BRCA1: variants seen among roughly 807,000 people sequenced by gnomAD.
The protein encoded by BRCA1 is breast cancer type 1 susceptibility protein.
In BRCA1, 140 loss-of-function variants were observed where a neutral mutation model predicts 173.7. The ratio of observed to expected loss-of-function variants is 0.81; its 90% CI spans 0.70 to 0.93. The LOEUF is 0.93. BRCA1 is among the 40% of genes least tolerant of loss of function. BRCA1 has a pLI of 0.00. For synonymous variants in BRCA1, 662 were observed against 756.0 expected (o/e 0.88, Z 2.04); for missense variants, 1,983 against 2,172.5 (o/e 0.91, Z 1.73).
At position 43,044,833 on chromosome 17, in the gene BRCA1, TCTCA is replaced by T. The variant is rs1164059059; in HGVS notation, c.*841_*844del. The T allele has an allele frequency of 2.2e-6, 1 of 455,508 alleles. No homozygotes were observed. The highest frequency in any genetic ancestry group is 2.1e-5 in the African/African-American group (1 of 46,896). The allele number at this position is 455,508 out of a possible 1,614,324, so 28.2% of individuals were successfully genotyped here. On this transcript the variant is annotated 3_prime_UTR_variant, in exon 23 of 23. Transcript: ENST00000357654. Reference sequence around the variant, plus strand: ...TTTTTTTTTTTTTTTTGAGCCACAGTCTCACTGTCACCCAGGCTGGAGTGCCGTG... The same window carrying T: ...TTTTTTTTTTTTTTTTGAGCCACAGTCTGTCACCCAGGCTGGAGTGCCGTG...
chr17:43,120,176 C>A (rs2055480146), intron 2 of BRCA1, among the ~76,000 whole-genome samples: 1 of 152,134 alleles, frequency 6.6e-6, no homozygotes, highest in African/African-American at 2.4e-5. Flanking sequence ...TTCTGAAAGT[C>A]AAAAATGTTA....
chr17:43,120,696 C>T (rs1374037283), intron 2 of BRCA1, among the ~76,000 whole-genome samples: 7 of 152,048 alleles, frequency 4.6e-5, no homozygotes, highest in African/African-American at 1.4e-4. Context: ...ACCCGGGAGG[C>T]GGAGCTTGCA....
Position 43,093,737 on chromosome 17 carries a change from T to C in BRCA1, c.1794A>G (p.Leu598=), listed in dbSNP as rs876659644. The C allele has an allele frequency of 5.0e-6, 8 of 1,614,052 alleles. No individual in the cohort carries two copies. Among genetic ancestry groups the C allele is most frequent in the Non-Finnish European group, 6.8e-6 (8 of 1,180,016 alleles). Residue 598 remains leucine, a synonymous_variant, in exon 10 of 23, where the codon TTA becomes TTG. Coordinates refer to ENST00000357654, the MANE Select transcript of BRCA1 (RefSeq NM_007294.4). ...SSSISNMELE[L]NIHNSKAPKK... The stretch of plus-strand genomic sequence containing the variant: ...TAGGTGCTTTTGAATTGTGGATATT[T>C]AATTCGAGTTCCATATTGCTTATAC...
In BRCA1 at chr17:43,150,785, C is replaced by CA. The variant is rs1459125226; in HGVS notation, c.-20+19340dup. Among the ~76,000 whole-genome samples, 6 of 151,742 alleles carry CA rather than the reference C, an allele frequency of 4.0e-5. No homozygotes were observed. The East Asian group carries it at 1.2e-3, about 29-fold the overall frequency. ...CTAAAAATTTTGCAGCTTGGAAGTG[C>CA]AAAAAAAATGTGCAGCTTTGCACAG... On this transcript the variant is annotated intron_variant, in intron 1 of 7. Transcript: ENST00000634433.
In BRCA1 at chr17:43,093,977, G is replaced by A. The variant is rs1064794487; in HGVS notation, c.1554C>T (p.Ile518=). ...TTTGAACTGCCAAATCTGCTTTCTTGATAAAATCCTCAGGATGAAGGCCTG... is the reference window on the plus strand; with the variant it reads ...TTTGAACTGCCAAATCTGCTTTCTTAATAAAATCCTCAGGATGAAGGCCTG... ...PTSGLHPEDF[I]KKADLAVQKT... The change falls in exon 10 of 23, where the codon ATC becomes ATT. Residue 518 remains isoleucine (I), a synonymous_variant. Coordinates refer to ENST00000357654, the MANE Select transcript of BRCA1 (RefSeq NM_007294.4). The A allele has an allele frequency of 6.2e-7, 1 of 1,613,622 alleles. No individual in the cohort carries two copies. Among genetic ancestry groups the A allele is most frequent in the Non-Finnish European group, 8.5e-7 (1 of 1,179,890 alleles).
intron 12 of BRCA1, among the ~76,000 whole-genome samples, chr17:43,077,559 C>T (rs2052794173): frequency 6.6e-6 from 1 of 151,988 alleles, no homozygotes; most frequent in African/African-American, 2.4e-5. Context: ...GTCTCGAACT[C>T]CTGACCTCAA....
At chr17:43,052,131 C>T (rs2051267813) in intron 19 of BRCA1, among the ~76,000 whole-genome samples, 1 of 152,158 alleles carries the variant, frequency 6.6e-6, no homozygotes, top group Admixed American at 6.6e-5. Context: ...CTTCCACTTA[C>T]AGGGCTTGGC....
At chr17:43,128,324 A>G (rs1441159554), upstream of BRCA1, among the ~76,000 whole-genome samples, 2 of 150,510 alleles carry the variant, frequency 1.3e-5, no homozygotes, top group Non-Finnish European at 3.0e-5. Context: ...ACTCACCGCA[A>G]AGGTCTGCAG....
intron 6 of BRCA1, among the ~76,000 whole-genome samples, chr17:43,100,561 T>TATATATATATAAC (rs1169731657): frequency 7.7e-5 from 3 of 39,170 alleles, no homozygotes; most frequent in African/African-American, 1.5e-4. Context: ...TGTGTGTGTA[T>TATATATATATAAC]ATATATATAT....
chr17:43,076,268 A>T lies in BRCA1; in HGVS notation c.4484+220T>A, dbSNP rs371510602. Reference sequence around the variant, plus strand: ...TATTTTTTTCTGACCTTCAGAAGGGACATATCTATCTAACCGCACATTTCT... The same window carrying T: ...TATTTTTTTCTGACCTTCAGAAGGGTCATATCTATCTAACCGCACATTTCT... On this transcript the variant is annotated intron_variant, in intron 13 of 22. Transcript: ENST00000357654. Among the ~76,000 whole-genome samples, 5 of 152,056 alleles carry T rather than the reference A, an allele frequency of 3.3e-5. 1 individual carries two copies. The South Asian group carries it at 1.0e-3, about 31-fold the overall frequency.
chr17:43,091,094 T>A (rs1273737309), intron 10 of BRCA1, 62 bp from the exon 11 acceptor site: 2 of 1,434,380 alleles, frequency 1.4e-6, no homozygotes, highest in Non-Finnish European at 1.9e-6. Context: ...CAACTTGCTG[T>A]GTCTTTTTCT....
Position 43,091,679 on chromosome 17 carries a change from G to T in BRCA1, c.3852C>A (p.His1284Gln), listed in dbSNP as rs776070899. ...CAGAACATTTTGTTTCCTCACTAAG[G>T]TGATGTTCCTGAGATGCCTTTGCCA... Reference protein sequence around the residue: ...VILAKASQEHHLSEETKCSAS... With the variant: ...VILAKASQEHQLSEETKCSAS... Residue 1284 changes from histidine to glutamine, a missense_variant, in exon 10 of 23, where the codon CAC becomes CAA. By Grantham distance (24) the His-to-Gln change is conservative. Coordinates refer to ENST00000357654, the MANE Select transcript of BRCA1 (RefSeq NM_007294.4). 1 of 1,614,216 alleles carries T rather than the reference G, an allele frequency of 6.2e-7. No homozygotes were observed.
intron 3 of BRCA1, 131 bp downstream of exon 3, chr17:43,115,595 G>T: frequency 1.2e-6 from 1 of 852,560 alleles, no homozygotes; most frequent in Non-Finnish European, 1.9e-6. Flanking sequence ...GAGAAAGAAT[G>T]AAATGGAGTT....
rs80357209 is a variant in BRCA1, at chr17:43,104,939, G to A, written c.230C>T (p.Thr77Met). Residue 77 changes from threonine to methionine, a missense_variant, in exon 5 of 23, where the codon ACG becomes ATG. By Grantham distance (81) the Thr-to-Met change is moderately conservative. Coordinates refer to ENST00000357654, the MANE Select transcript of BRCA1 (RefSeq NM_007294.4). The part of the protein sequence containing the change: ...DITKRSLQES[T>M]RFSQLVEELL... ...CTCTTCAACAAGTTGACTAAATCTC[G>A]TACTTTCTTGTAGGCTCCTGAAATT... 11 of 1,613,388 alleles carry A rather than the reference G, an allele frequency of 6.8e-6. No homozygotes were observed. Among genetic ancestry groups the A allele is most frequent in the African/African-American group, 4.0e-5 (3 of 74,876 alleles).
Position 43,093,213 on chromosome 17 carries a change from G to C in BRCA1, c.2318C>G (p.Pro773Arg), listed in dbSNP as rs2053781755. The change falls in exon 10 of 23, where the codon CCT becomes CGT. Residue 773 changes from proline to arginine, a missense_variant. Transcript: ENST00000357654. Reference sequence around the variant, plus strand: ...TTCCTGAGTGCCATAATCAGTACCAGGTACCAATGAAATACTGCTACTCTC... The same window carrying C: ...TTCCTGAGTGCCATAATCAGTACCACGTACCAATGAAATACTGCTACTCTC... The part of the protein sequence containing the change: ...SVESSSISLV[P>R]GTDYGTQESI... The C allele has an allele frequency of 1.2e-6, 2 of 1,613,826 alleles. No homozygotes were observed. The highest frequency in any genetic ancestry group is 1.1e-5 in the South Asian group (1 of 91,076).
rs398122688 is a variant in BRCA1 at position 43,074,462 on chromosome 17, C to T, written c.4544G>A (p.Gly1515Glu). The T allele has an allele frequency of 2.5e-6, 4 of 1,614,064 alleles. No homozygotes were observed. Among genetic ancestry groups the T allele is most frequent in the Non-Finnish European group, 3.4e-6 (4 of 1,179,970 alleles). ...TGGGTAGTTTCTATTCTGAAGACTC[C>T]CAGAGCAACTGTGCATGTACCACCT... is the stretch of plus-strand genomic sequence containing the variant. The part of the protein sequence containing the change: ...DDRWYMHSCS[G>E]SLQNRNYPSQ... The change falls in exon 14 of 23, where the codon GGG becomes GAG. Residue 1515 changes from glycine (G) to glutamate (E), a missense_variant. Physicochemically the swap from Gly to Glu is moderately conservative, Grantham distance 98. Coordinates refer to ENST00000357654, the MANE Select transcript of BRCA1 (RefSeq NM_007294.4).
intron 15 of BRCA1, among the ~76,000 whole-genome samples, chr17:43,068,715 A>T (rs1416252475): frequency 6.6e-6 from 1 of 152,206 alleles, no homozygotes; most frequent in African/African-American, 2.4e-5. Flanking sequence ...GCCTACACAG[A>T]AAGTTATGCT....
At chr17:43,169,703 CCCGTCCCCCGG>C (rs1344483895) in intron 1 of BRCA1, among the ~76,000 whole-genome samples, 1 of 151,952 alleles carries the variant, frequency 6.6e-6, no homozygotes, top group African/African-American at 2.4e-5. Flanking sequence ...CTTTCCCCCG[CCCGTCCCCCGG>C]AGCATCCCTT....
chr17:43,166,910 G>C (rs1241129824), intron 1 of BRCA1: 1 of 152,122 alleles, frequency 6.6e-6, no homozygotes, highest in Non-Finnish European at 1.5e-5. Flanking sequence ...TGCCAATAAA[G>C]GCACGCCATG....
Sources: gnomAD v4.1 joint callset for allele counts (sites outside exome capture counted in the v4.1 genomes callset) on GRCh38, gnomAD v4.1.1 for gene constraint, MANE v1.5 for transcripts, NCBI Gene and HGNC (gene_info 2026-07-23, HGNC 2026-07-21) for gene names.